Variants in DBP observed in about 807,000 individuals in gnomAD.
DBP encodes the protein D site-binding protein.
A neutral mutation model predicts 21.4 loss-of-function variants in DBP; 12 were observed. The observed-to-expected ratio is 0.56, with a 90% confidence interval of 0.36 to 0.91. The LOEUF is 0.91. DBP is among the 40% of genes least tolerant of loss of function. The probability of loss-of-function intolerance (pLI) is 0.01; values close to 1 mark genes in which losing one functional copy is unlikely to be tolerated. For synonymous variants in DBP, 213 were observed against 224.9 expected (o/e 0.95, Z 0.47); for missense variants, 423 against 473.4 (o/e 0.89, Z 0.99).
intron 3 of DBP, chr19:48,631,363 T>G: frequency 2.9e-6 from 1 of 349,140 alleles, no homozygotes; most frequent in Non-Finnish European, 5.4e-6. Flanking sequence ...GCTTGTTCCC[T>G]AGCAACAAGG....
rs972906148 is a variant in DBP, at chr19:48,635,929, G to C, written c.201C>G (p.Gly67=). ...CATCCGCCGGGCCCGCAGTCTCCAG[G>C]CCTGGCCCAGGGGTTGTGGCTGCAG... is the stretch of plus-strand genomic sequence containing the variant. ...ALPAATTPGP[G]LETAGPADAP... is the part of the protein sequence containing the mutation. The change falls in exon 2 of 4, where the codon GGC becomes GGG. Residue 67 remains glycine, a synonymous_variant. Transcript: ENST00000222122. 4 of 1,515,568 alleles carry C rather than the reference G, an allele frequency of 2.6e-6. No homozygotes were observed. The highest frequency in any genetic ancestry group is 3.5e-6 in the Non-Finnish European group (4 of 1,139,834). 93.9% of individuals were successfully genotyped at this position (1,515,568 alleles called of 1,614,324 possible). A position where few individuals can be genotyped will look rare whatever the true frequency, so the allele number is the denominator to read the frequency against.
intron 3 of DBP, 168 bp downstream of exon 3, chr19:48,633,276 G>T: frequency 1.4e-6 from 1 of 729,268 alleles, no homozygotes; most frequent in Non-Finnish European, 2.4e-6. Context: ...TCAGGCCCCT[G>T]CCCCCTTGTG....
intron 3 of DBP, chr19:48,631,490 C>T: frequency 6.1e-6 from 1 of 163,486 alleles, no homozygotes; most frequent in Non-Finnish European, 1.3e-5. Flanking sequence ...TTTGGTGTCC[C>T]ATAAAATCCT....
In DBP at chr19:48,635,891, G is replaced by A; in HGVS notation, c.239C>T (p.Ala80Val). 7.1e-7 allele frequency: 1 copy of A among 1,416,502 alleles called. No individual in the cohort carries two copies. The allele number at this position is 1,416,502 out of a possible 1,614,324, so 87.7% of individuals were successfully genotyped here. A position where few individuals can be genotyped will look rare whatever the true frequency, so the allele number is the denominator to read the frequency against. Residue 80 changes from alanine (A) to valine (V), a missense_variant, in exon 2 of 4, where the codon GCA (alanine) becomes GTA (valine). Physicochemically the swap from Ala to Val is moderately conservative, Grantham distance 64 (BLOSUM62 0). Coordinates refer to ENST00000222122, the MANE Select transcript of DBP (RefSeq NM_001352.5). ...CCGCGGGGACCCTCCGCCCACCACTGCCCCAGCCGGGGCATCCGCCGGGCC... is the reference window on the plus strand; with the variant it reads ...CCGCGGGGACCCTCCGCCCACCACTACCCCAGCCGGGGCATCCGCCGGGCC... ...TAGPADAPAG[A>V]VVGGGSPRGR...
At chr19:48,634,353 T>C (rs2030703704) in intron 2 of DBP, 1 of 152,560 alleles carries the variant, frequency 6.6e-6, no homozygotes, top group Non-Finnish European at 1.5e-5. Context: ...ACTTACCGAA[T>C]CCACGACCTA....
chr19:48,631,244 A>AC (rs1376811004), intron 3 of DBP, 192 bp from the exon 4 acceptor site: 11 of 580,684 alleles, frequency 1.9e-5, no homozygotes, highest in African/African-American at 9.3e-5. Context: ...CATGAGATAG[A>AC]CCCCCCACCC....
chr19:48,635,393 A>T, intron 2 of DBP, 187 bp downstream of exon 2: 1 of 1,441,942 alleles, frequency 6.9e-7, no homozygotes, highest in Non-Finnish European at 9.1e-7. Flanking sequence ...TCCCCCATGG[A>T]TCCATTGGTC....
intron 2 of DBP, chr19:48,634,621 CTCACGT>C (rs2147711465): frequency 1.1e-6 from 1 of 914,510 alleles, no homozygotes; most frequent in South Asian, 5.1e-5. Context: ...CATCGGCGCC[CTCACGT>C]TCCCCCGGCC....
At position 48,633,136 on chromosome 19, in the gene DBP, G is replaced by T. The variant is rs957175451; in HGVS notation, c.762+308C>A. ...AGCCTCCCAAGTGGCTTGTAGAAAT[G>T]GGGTTTTGCCATGTTGCCCAGGCTG... On this transcript the variant is annotated intron_variant, in intron 3 of 3. Coordinates refer to ENST00000222122, the MANE Select transcript of DBP (RefSeq NM_001352.5). 17 of 573,496 alleles carry T rather than the reference G, an allele frequency of 3.0e-5. No individual in the cohort carries two copies. The East Asian group carries it at 5.0e-4, about 17-fold the overall frequency. 35.5% of individuals were successfully genotyped at this position (573,496 alleles called of 1,614,324 possible).
intron 2 of DBP, 120 bp from the exon 3 acceptor site, chr19:48,633,775 G>C (rs965981195): frequency 5.9e-6 from 5 of 849,948 alleles, no homozygotes; most frequent in Non-Finnish European, 9.4e-6. Context: ...GCATAAATTC[G>C]GCCAGGGATT....
intron 2 of DBP, chr19:48,634,641 CCCCCCTCG>C: frequency 2.0e-6 from 1 of 509,984 alleles, no homozygotes; most frequent in African/African-American, 2.5e-4. Flanking sequence ...CCCGGCCCCG[CCCCCCTCG>C]CGCTTGAAGG....
chr19:48,634,866 C>G, intron 2 of DBP: 1 of 985,750 alleles, frequency 1.0e-6, no homozygotes, highest in Non-Finnish European at 1.2e-6. Context: ...CTTAGTTCCA[C>G]TCAACCTCCA....
Position 48,637,288 on chromosome 19 carries a change from C to T in DBP, c.-294G>A, listed in dbSNP as rs1308028920. The T allele has an allele frequency of 2.8e-6, 1 of 357,602 alleles. No individual in the cohort carries two copies. Among genetic ancestry groups the T allele is most frequent in the Admixed American group, 4.6e-5 (1 of 21,976 alleles). 22.2% of individuals were successfully genotyped at this position (357,602 alleles called of 1,614,324 possible). On this transcript the variant is annotated 5_prime_UTR_variant, in exon 1 of 4. Transcript: ENST00000222122. ...ACCGAGGGTGAGAGGGGACTCAAGGCGCTCCTTCTACAAGGTGGGCGAGCC... is the reference window on the plus strand; with the variant it reads ...ACCGAGGGTGAGAGGGGACTCAAGGTGCTCCTTCTACAAGGTGGGCGAGCC...
At chr19:48,635,252 A>G (rs980367288) in intron 2 of DBP, 2 of 1,179,330 alleles carry the variant, frequency 1.7e-6, no homozygotes, top group Non-Finnish European at 2.1e-6. Flanking sequence ...TCCCCAGTAA[A>G]TAACTCTGGT....
At chr19:48,632,138 CTT>C (rs58604583) in intron 3 of DBP, 33 of 135,306 alleles carry the variant, frequency 2.4e-4, no homozygotes, top group South Asian at 2.4e-4. Context: ...AATTTTTGTT[CTT>C]TTTTTTTTTT....
intron 3 of DBP, chr19:48,631,878 TAGA>T (rs2030602414): frequency 6.6e-6 from 1 of 152,162 alleles, no homozygotes; most frequent in African/African-American, 2.4e-5. Context: ...CAGGGCCCTC[TAGA>T]AGGAGAAACC....
In DBP at chr19:48,630,438, C is replaced by T; in HGVS notation, c.*399G>A. On this transcript the variant is annotated 3_prime_UTR_variant, in exon 4 of 4. Transcript: ENST00000222122. The surrounding 1 kb of genome is among the most constrained non-coding windows in gnomAD (Gnocchi z 4.9). ...TGCCCTTCCTCCATCCGACAGCCCG[C>T]GGGAGGACTCAGACTCCAGCACTTC... is the stretch of plus-strand genomic sequence containing the variant. 7.0e-7 allele frequency: 1 copy of T among 1,438,670 alleles called. No homozygotes were observed. Among genetic ancestry groups the T allele is most frequent in the Non-Finnish European group, 9.1e-7 (1 of 1,099,640 alleles). The allele number at this position is 1,438,670 out of a possible 1,614,324, so 89.1% of individuals were successfully genotyped here. A position where few individuals can be genotyped will look rare whatever the true frequency, so the allele number is the denominator to read the frequency against.
At chr19:48,636,094 G>A in intron 1 of DBP, 104 bp from the exon 2 acceptor site, 1 of 1,146,926 alleles carries the variant, frequency 8.7e-7, no homozygotes, top group Non-Finnish European at 1.2e-6. Flanking sequence ...TCCAGAGAAA[G>A]AGGGGACGGG....
At chr19:48,636,034 G>T in intron 1 of DBP, 44 bp from the exon 2 acceptor site, 11 of 1,460,572 alleles carry the variant, frequency 7.5e-6, no homozygotes, top group Non-Finnish European at 9.9e-6. Context: ...TGAGGTGGGG[G>T]AGATAGAGAT....
Sources: gnomAD v4.1 joint callset for allele counts on GRCh38, gnomAD v4.1.1 for gene constraint, Gnocchi (gnomAD v3.1) non-coding constraint, MANE v1.5 for transcripts, NCBI Gene and HGNC (gene_info 2026-07-23, HGNC 2026-07-21) for gene names.